Variants in AGAP3 observed in about 807,000 individuals in gnomAD.
AGAP3 encodes arf-GAP with GTPase, ANK repeat and PH domain-containing protein 3.
Under a neutral mutation model 96.9 loss-of-function variants are expected in AGAP3, and 24 were observed. The observed-to-expected ratio is 0.25, with a 90% CI of 0.18 to 0.35. The LOEUF (loss-of-function observed/expected upper bound fraction) is 0.35. Among genes scored for constraint, AGAP3 ranks in the 10% least tolerant of loss-of-function variants. The pLI, the probability that AGAP3 is intolerant of heterozygous loss-of-function variation, is 1.00. For synonymous variants in AGAP3, 563 were observed against 536.1 expected (o/e 1.05, Z -0.69); for missense variants, 876 against 1,254.2 (o/e 0.70, Z 4.55).
chr7:151,117,513 C>A (rs1799653099), intron 4 of AGAP3, 57 bp downstream of exon 4: 1 of 1,613,252 alleles, frequency 6.2e-7, no homozygotes, highest in Non-Finnish European at 8.5e-7. Flanking sequence ...CTTTCTCGAG[C>A]TTGCTGGTTG....
At chr7:151,092,977 C>G in intron 1 of AGAP3, among the ~76,000 whole-genome samples, 1 of 152,232 alleles carries the variant, frequency 6.6e-6, no homozygotes, top group African/African-American at 2.4e-5. Context: ...TTCTTCTGCT[C>G]CCCACTATAA....
At chr7:151,119,499 C>T (rs1438618042) in intron 7 of AGAP3, among the ~76,000 whole-genome samples, 14 of 152,254 alleles carry the variant, frequency 9.2e-5, no homozygotes, top group Admixed American at 8.5e-4. Context: ...GAATCCCTTT[C>T]CCTGCCATGG....
intron 1 of AGAP3, among the ~76,000 whole-genome samples, chr7:151,087,592 C>G (rs1163961626): frequency 6.6e-6 from 1 of 152,090 alleles, no homozygotes; most frequent in Non-Finnish European, 1.5e-5. Flanking sequence ...GGGAGCGGGC[C>G]GGGCCTGGCG....
chr7:151,120,534 G>A, intron 8 of AGAP3: 1 of 931,800 alleles, frequency 1.1e-6, no homozygotes, highest in Non-Finnish European at 1.5e-6. Flanking sequence ...TGAACCGGCG[G>A]CCGGAAGGCT....
rs1437181964 is a variant in AGAP3 at position 151,115,332 on chromosome 7, A to C, written c.332-1461A>C. ...CCGGCGCGGCCTGGCGGCGCTCAGG[A>C]AGAGCTTCAGCTTCCGCCTGCGCCG... On this transcript the variant is annotated intron_variant, in intron 1 of 17. Transcript: ENST00000397238. 11 of 1,013,774 alleles carry C rather than the reference A, an allele frequency of 1.1e-5. No homozygotes were observed. In the South Asian group the frequency reaches 1.8e-4, roughly 17 times the overall value. The allele number at this position is 1,013,774 out of a possible 1,614,324, so 62.8% of individuals were successfully genotyped here.
At chr7:151,121,105 C>G (rs1347724238) in intron 8 of AGAP3, 3 of 159,586 alleles carry the variant, frequency 1.9e-5, no homozygotes, top group Non-Finnish European at 4.1e-5. Flanking sequence ...GGACCCTGCC[C>G]GGACAGAGCT....
intron 1 of AGAP3, among the ~76,000 whole-genome samples, chr7:151,099,259 T>C (rs1440155177): frequency 4.7e-5 from 7 of 148,180 alleles, no homozygotes; most frequent in Middle Eastern, 3.5e-3. Context: ...AGGAGAATGG[T>C]GTGAACCCGG....
In AGAP3 at chr7:151,138,330, C is replaced by T. The variant is rs1381668735; in HGVS notation, c.1666+17C>T. On this transcript the variant is annotated intron_variant, in intron 12 of 17. Transcript: ENST00000397238. ...AGCACCCTGGTGAGTGGTGGCTCTG[C>T]TGCTTCCCACCTTTTCTGGGGCCCC... 2 of 1,593,928 alleles carry T rather than the reference C, an allele frequency of 1.3e-6. No homozygotes were observed. The highest frequency in any genetic ancestry group is 1.7e-6 in the Non-Finnish European group (2 of 1,168,226).
chr7:151,121,693 C>T (rs1180495291), intron 8 of AGAP3, among the ~76,000 whole-genome samples: 2 of 152,192 alleles, frequency 1.3e-5, no homozygotes, highest in African/African-American at 2.4e-5. Context: ...ACGGCCTTCC[C>T]TCTGGCGCTT....
intron 12 of AGAP3, among the ~76,000 whole-genome samples, chr7:151,138,712 G>A (rs970817338): frequency 6.6e-6 from 1 of 152,322 alleles, no homozygotes; most frequent in African/African-American, 2.4e-5. Context: ...TCTCGGCAGG[G>A]GGACGGGGAA....
rs576243754 is a variant in AGAP3, at chr7:151,142,954, G to T, written c.2273+320G>T. On this transcript the variant is annotated intron_variant, in intron 16 of 17. Transcript: ENST00000397238. This position sits in a 1 kb window ranked among gnomAD's most constrained non-coding sequence, Gnocchi z 7.5. ...GGGAGAATGGGTGAGAGATAGGGGA[G>T]TGTGTGGCCCCCCAGTGCAGGCCCC... Among the ~76,000 whole-genome samples the T allele has an allele frequency of 1.2e-3, 185 of 152,324 alleles. No individual in the cohort carries two copies. The highest frequency in any genetic ancestry group is 2.2e-3 in the Non-Finnish European group (153 of 68,018).
At chr7:151,089,199 T>C (rs1251365417) in intron 1 of AGAP3, among the ~76,000 whole-genome samples, 1 of 152,200 alleles carries the variant, frequency 6.6e-6, no homozygotes, top group Non-Finnish European at 1.5e-5. Context: ...GTTTCTGCCC[T>C]ATATCCTTCC....
intron 11 of AGAP3, among the ~76,000 whole-genome samples, chr7:151,135,995 G>A (rs1339071537): frequency 1.3e-5 from 2 of 152,140 alleles, no homozygotes; most frequent in African/African-American, 4.8e-5. Flanking sequence ...GGAGAAGGCC[G>A]GCCACCACCC....
chr7:151,123,501 T>G lies in AGAP3; in HGVS notation c.1129-293T>G. 2.5e-6 allele frequency: 3 copies of G among 1,223,918 alleles called. No homozygotes were observed. In the South Asian group the frequency reaches 6.8e-5, roughly 28 times the overall value. The allele number at this position is 1,223,918 out of a possible 1,614,324, so 75.8% of individuals were successfully genotyped here. On this transcript the variant is annotated intron_variant, in intron 8 of 17. Coordinates refer to ENST00000397238, the MANE Select transcript of AGAP3 (RefSeq NM_031946.7). ...CCGTCCACCTCCTCGCCCCCGCTTC[T>G]CTTACGCCCCCGCCCCGGGCGTGCT... is the stretch of plus-strand genomic sequence containing the variant.
chr7:151,092,915 C>T (rs369554432), intron 1 of AGAP3, among the ~76,000 whole-genome samples: 9 of 152,142 alleles, frequency 5.9e-5, no homozygotes, highest in East Asian at 5.8e-4. Flanking sequence ...TCTTGGAAGC[C>T]TTTAGAATAT....
intron 1 of AGAP3, among the ~76,000 whole-genome samples, chr7:151,112,808 C>G (rs1433284160): frequency 6.6e-6 from 1 of 152,176 alleles, no homozygotes; most frequent in South Asian, 2.1e-4. Flanking sequence ...CACCATGTTG[C>G]CCAGGCTGGT....
Position 151,086,936 on chromosome 7 carries a change from C to T in AGAP3, c.195C>T (p.Asn65=), listed in dbSNP as rs777904186. 7 of 1,609,914 alleles carry T rather than the reference C, an allele frequency of 4.3e-6. No individual in the cohort carries two copies. The highest frequency in any genetic ancestry group is 5.9e-6 in the Non-Finnish European group (7 of 1,178,506). ...CCCCCCAGCAGTTCGCGCTCTCCAA[C>T]TCCGCGGCCATCCGGGCCGAGATCC... ...GGPPQQFALS[N]SAAIRAEIQR... is the part of the protein sequence containing the mutation. The change falls in exon 1 of 18, where the codon AAC becomes AAT. Residue 65 remains asparagine (N), a synonymous_variant. Transcript: ENST00000397238.
rs995410788 is a variant in AGAP3, at chr7:151,139,911, A to T, written c.1667-68A>T. 2 of 1,385,492 alleles carry T rather than the reference A, an allele frequency of 1.4e-6. No individual in the cohort carries two copies. Among genetic ancestry groups the T allele is most frequent in the Admixed American group, 3.0e-5 (1 of 33,470 alleles). 85.8% of individuals were successfully genotyped at this position (1,385,492 alleles called of 1,614,324 possible). A position where few individuals can be genotyped will look rare whatever the true frequency, so the allele number is the denominator to read the frequency against. On this transcript the variant is annotated intron_variant, in intron 12 of 17. Coordinates refer to ENST00000397238, the MANE Select transcript of AGAP3 (RefSeq NM_031946.7). This position sits in a 1 kb window ranked among gnomAD's most constrained non-coding sequence, Gnocchi z 4.9. ...GCAGGACTGGTCCTCTCCTCCTCCC[A>T]GTGCCCTGCGCCCCTCCCCTCCTCT... is the stretch of plus-strand genomic sequence containing the variant.
intron 11 of AGAP3, among the ~76,000 whole-genome samples, chr7:151,135,208 C>T (rs1360588357): frequency 1.3e-5 from 2 of 152,210 alleles, no homozygotes; most frequent in Non-Finnish European, 2.9e-5. Flanking sequence ...CTTCCACACC[C>T]GTTTCCCTCG....
Sources: gnomAD v4.1 joint callset for allele counts (sites outside exome capture counted in the v4.1 genomes callset) on GRCh38, gnomAD v4.1.1 for gene constraint, Gnocchi (gnomAD v3.1) non-coding constraint, MANE v1.5 for transcripts, NCBI Gene and HGNC (gene_info 2026-07-23, HGNC 2026-07-21) for gene names.